The following CNBD1 variants were observed in gnomAD, a reference collection of about 807,000 sequenced individuals.
CNBD1 encodes the protein cyclic nucleotide-binding domain-containing protein 1.
CNBD1 carries 71 observed loss-of-function variants against 54.4 expected under a neutral mutation model. That is an observed-to-expected ratio of 1.30 (90% confidence interval 1.08 to 1.59). The LOEUF (loss-of-function observed/expected upper bound fraction) is 1.59. Among genes scored for constraint, CNBD1 ranks in the 40% most tolerant of loss-of-function variants. The probability of loss-of-function intolerance (pLI) is 0.00; values close to 1 mark genes in which losing one functional copy is unlikely to be tolerated. For missense variants in CNBD1, 659 were observed against 518.0 expected, an observed-to-expected ratio of 1.27 and a Z score of -2.64; for synonymous variants, 182 against 170.7, an observed-to-expected ratio of 1.07 and a Z score of -0.51.
intron 4 of CNBD1, among the ~76,000 whole-genome samples, chr8:86,993,220 AT>A (rs530011543): frequency 8.3e-4 from 121 of 145,864 alleles, no homozygotes; most frequent in Non-Finnish European, 1.3e-3. Flanking sequence ...AAGCTCTCAG[AT>A]TTTTTTTTTT....
chr8:86,911,905 A>G (rs1809105554), intron 3 of CNBD1, among the ~76,000 whole-genome samples: 1 of 152,180 alleles, frequency 6.6e-6, no homozygotes, highest in African/African-American at 2.4e-5. Context: ...ATATTTAACC[A>G]AAGAAGTTAA....
intron 4 of CNBD1, among the ~76,000 whole-genome samples, chr8:87,124,405 CAAG>C (rs1432701256): frequency 3.3e-5 from 5 of 151,358 alleles, no homozygotes; most frequent in African/African-American, 4.8e-5. Flanking sequence ...AAATCAATAA[CAAG>C]AAAAATCTTG....
At chr8:87,168,008 A>G (rs1813001167) in intron 4 of CNBD1, among the ~76,000 whole-genome samples, 1 of 152,054 alleles carries the variant, frequency 6.6e-6, no homozygotes, top group African/African-American at 2.4e-5. Flanking sequence ...AATGGTAAGT[A>G]TTTATGTATC....
intron 5 of CNBD1, among the ~76,000 whole-genome samples, chr8:87,226,202 C>T (rs1814485780): frequency 6.6e-6 from 1 of 151,894 alleles, no homozygotes; most frequent in African/African-American, 2.4e-5. Flanking sequence ...CTCCTGGATT[C>T]ATTAATTTTT....
intron 6 of CNBD1, among the ~76,000 whole-genome samples, chr8:87,277,310 C>G (rs1808503426): frequency 6.6e-6 from 1 of 151,602 alleles, no homozygotes; most frequent in Non-Finnish European, 1.5e-5. Flanking sequence ...CTATACAGGC[C>G]TTTAACTTTT....
Position 86,985,662 on chromosome 8 carries a change from T to A in CNBD1, c.431+45908T>A, listed in dbSNP as rs116796596. Among the ~76,000 whole-genome samples, 853 of 152,314 alleles carry A rather than the reference T, an allele frequency of 5.6e-3. 15 individuals are homozygous for A. The highest frequency in any genetic ancestry group is 0.019 in the African/African-American group (810 of 41,584). On this transcript the variant is annotated intron_variant, in intron 4 of 10. Transcript: ENST00000518476. Reference sequence around the variant, plus strand: ...ATTGAATAACACTGCAATGAACATGTAAGTGCATGTGTCTTTTTGGTAGAA... The same window carrying A: ...ATTGAATAACACTGCAATGAACATGAAAGTGCATGTGTCTTTTTGGTAGAA...
chr8:87,273,967 G>T (rs1808423323), intron 6 of CNBD1, among the ~76,000 whole-genome samples: 2 of 132,280 alleles, frequency 1.5e-5, no homozygotes, highest in Admixed American at 9.4e-5. Flanking sequence ...TCCCCTTCCT[G>T]TGTCCATGTG....
chr8:87,083,225 C>T (rs1811031540), intron 4 of CNBD1, among the ~76,000 whole-genome samples: 3 of 152,190 alleles, frequency 2.0e-5, no homozygotes. Context: ...AATGGCGCTA[C>T]TAAGCCGTCC....
chr8:86,954,894 T>G (rs1450939699), intron 4 of CNBD1, among the ~76,000 whole-genome samples: 2 of 152,188 alleles, frequency 1.3e-5, no homozygotes, highest in Admixed American at 1.3e-4. Flanking sequence ...GCAGGTTTGT[T>G]ACATATGTAT....
chr8:87,099,763 T>C (rs1343712360), intron 4 of CNBD1, among the ~76,000 whole-genome samples: 1 of 152,206 alleles, frequency 6.6e-6, no homozygotes, highest in Non-Finnish European at 1.5e-5. Flanking sequence ...GATTTTGACA[T>C]AATCATCTTT....
At chr8:87,151,724 C>G (rs536742720) in intron 4 of CNBD1, among the ~76,000 whole-genome samples, 34 of 151,982 alleles carry the variant, frequency 2.2e-4, no homozygotes, top group African/African-American at 8.0e-4. Flanking sequence ...TGCAAATTAA[C>G]TGTCTTAATT....
intron 6 of CNBD1, among the ~76,000 whole-genome samples, chr8:87,277,775 G>A (rs539219774): frequency 1.6e-4 from 24 of 151,576 alleles, no homozygotes; most frequent in Non-Finnish European, 3.2e-4. Flanking sequence ...CTCAGAGAAA[G>A]ATGACATAGC....
chr8:87,423,797 A>G (rs1028838104), intron 2 of CNBD1, among the ~76,000 whole-genome samples: 3 of 152,012 alleles, frequency 2.0e-5, no homozygotes, highest in African/African-American at 4.8e-5. Flanking sequence ...TCATAAAATG[A>G]GTTAGGGAGG....
intron 2 of CNBD1, among the ~76,000 whole-genome samples, chr8:87,411,427 T>TA (rs71277943): frequency 7.1e-5 from 10 of 140,848 alleles, no homozygotes; most frequent in East Asian, 2.2e-4. Context: ...TATATATATA[T>TA]TTCATTCACA....
chr8:86,937,805 A>G (rs561094907), intron 3 of CNBD1, among the ~76,000 whole-genome samples: 2 of 152,212 alleles, frequency 1.3e-5, no homozygotes, highest in South Asian at 2.1e-4. Context: ...TGGCCTGGAG[A>G]CATTTTCCCC....
At chr8:86,874,005 T>C (rs1244900895) in intron 1 of CNBD1, among the ~76,000 whole-genome samples, 1 of 152,184 alleles carries the variant, frequency 6.6e-6, no homozygotes, top group Admixed American at 6.5e-5. Flanking sequence ...TTGGACCCCA[T>C]TCAAATTTGG....
chr8:87,310,926 T>G (rs1809250602), intron 8 of CNBD1, among the ~76,000 whole-genome samples: 1 of 152,084 alleles, frequency 6.6e-6, no homozygotes, highest in African/African-American at 2.4e-5. Flanking sequence ...GACCCCTTCT[T>G]TTCACCATAT....
At chr8:86,961,870 C>T (rs1807937607) in intron 4 of CNBD1, among the ~76,000 whole-genome samples, 4 of 152,216 alleles carry the variant, frequency 2.6e-5, no homozygotes, top group Admixed American at 2.6e-4. Flanking sequence ...ACATCATACA[C>T]ATAACACATG....
chr8:87,111,207 G>A (rs757688488), intron 4 of CNBD1, among the ~76,000 whole-genome samples: 6 of 152,168 alleles, frequency 3.9e-5, no homozygotes, highest in Non-Finnish European at 7.3e-5. Flanking sequence ...ACTGGACAAA[G>A]AATCAGTGTG....
Sources: gnomAD v4.1 joint callset for allele counts (sites outside exome capture counted in the v4.1 genomes callset) on GRCh38, gnomAD v4.1.1 for gene constraint, MANE v1.5 for transcripts, NCBI Gene and HGNC (gene_info 2026-07-23, HGNC 2026-07-21) for gene names.